The following CCSER2 variants were observed in gnomAD, a reference collection of about 807,000 sequenced individuals.
The protein encoded by CCSER2 is coiled-coil serine rich protein 2.
A neutral mutation model predicts 92.3 loss-of-function variants in CCSER2; 46 were observed. The ratio of observed to expected loss-of-function variants is 0.50; its 90% CI spans 0.39 to 0.64. The LOEUF is 0.64. Ranked by LOEUF, CCSER2 falls within the 30% of genes least tolerant of loss-of-function variation. The pLI is 0.00. For synonymous variants in CCSER2, 433 were observed against 431.4 expected (o/e 1.00, Z -0.04); for missense variants, 1,244 against 1,238.9 (o/e 1.00, Z -0.06).
At chr10:84,447,641 T>G (rs1589691167) in intron 6 of CCSER2, among the ~76,000 whole-genome samples, 1 of 152,176 alleles carries the variant, frequency 6.6e-6, no homozygotes, top group African/African-American at 2.4e-5. Flanking sequence ...AATATTCTAT[T>G]CTTTTCTAAA....
At chr10:84,329,062 G>T (rs1480182150) in intron 1 of CCSER2, among the ~76,000 whole-genome samples, 1 of 152,026 alleles carries the variant, frequency 6.6e-6, no homozygotes, top group African/African-American at 2.4e-5. Flanking sequence ...GCCTCGGGCC[G>T]CGGGCGCCGC....
chr10:84,372,564 ATCAG>A, intron 2 of CCSER2, 95 bp downstream of exon 2: 1 of 814,750 alleles, frequency 1.2e-6, no homozygotes, highest in Non-Finnish European at 1.9e-6. Context: ...TCAAGATATT[ATCAG>A]TTTCACGGAG....
chr10:84,490,012 T>A (rs1427788261), intron 9 of CCSER2, among the ~76,000 whole-genome samples: 1 of 152,212 alleles, frequency 6.6e-6, no homozygotes, highest in Non-Finnish European at 1.5e-5. Flanking sequence ...TTAGTTTGAC[T>A]GGATATGAAA....
At chr10:84,506,248 C>T (rs1849040188) in intron 9 of CCSER2, among the ~76,000 whole-genome samples, 1 of 152,024 alleles carries the variant, frequency 6.6e-6, no homozygotes, top group Non-Finnish European at 1.5e-5. Context: ...AATCTGCTAT[C>T]CTCTAAATTT....
chr10:84,506,911 C>G (rs886883678), intron 9 of CCSER2, among the ~76,000 whole-genome samples: 1 of 152,080 alleles, frequency 6.6e-6, no homozygotes, highest in Admixed American at 6.6e-5. Flanking sequence ...TAAGAGGTTA[C>G]TTGGGACTAA....
At chr10:84,451,239 T>G (rs543606202) in intron 6 of CCSER2, among the ~76,000 whole-genome samples, 2 of 151,606 alleles carry the variant, frequency 1.3e-5, no homozygotes, top group Non-Finnish European at 2.9e-5. Flanking sequence ...AAAGGTTTTT[T>G]TTTTGGTTGG....
chr10:84,374,856 A>G (rs1456192552), intron 3 of CCSER2, among the ~76,000 whole-genome samples: 1 of 152,204 alleles, frequency 6.6e-6, no homozygotes, highest in Non-Finnish European at 1.5e-5. Flanking sequence ...AGTGGATTTC[A>G]GGCAATGTAA....
In CCSER2 at chr10:84,477,625, T is replaced by G. The variant is rs771704166; in HGVS notation, c.2286T>G (p.Tyr762Ter). 1.2e-6 allele frequency: 2 copies of G among 1,612,652 alleles called. No homozygotes were observed. The highest frequency in any genetic ancestry group is 1.7e-6 in the Non-Finnish European group (2 of 1,178,924). Residue 762 changes from tyrosine (Y) to a stop codon, truncating the protein, a stop_gained, in exon 9 of 10, where the codon TAT (tyrosine) becomes TAG (stop). Transcript: ENST00000372088. LOFTEE classifies it high-confidence loss of function. Reference sequence around the variant, plus strand: ...AATGTAAAGAGGAAAAATGCACTTATGCTGATAAATATACCCAAACACCCT... The same window carrying G: ...AATGTAAAGAGGAAAAATGCACTTAGGCTGATAAATATACCCAAACACCCT... ...HQKCKEEKCT[Y>*]ADKYTQTPWR...
intron 9 of CCSER2, among the ~76,000 whole-genome samples, chr10:84,493,258 ATAT>A (rs1848268016): frequency 6.6e-6 from 1 of 152,158 alleles, no homozygotes; most frequent in Admixed American, 6.5e-5. Context: ...GTTGTTCATA[ATAT>A]TCCTTTATTA....
At chr10:84,419,120 A>G (rs761455582) in intron 4 of CCSER2, among the ~76,000 whole-genome samples, 1 of 152,148 alleles carries the variant, frequency 6.6e-6, no homozygotes, top group Non-Finnish European at 1.5e-5. Flanking sequence ...GAAGAGGGGA[A>G]TCTACACTTG....
chr10:84,494,031 A>G (rs1031832100), intron 9 of CCSER2, among the ~76,000 whole-genome samples: 1 of 152,182 alleles, frequency 6.6e-6, no homozygotes, highest in Non-Finnish European at 1.5e-5. Context: ...GTGAGAATCT[A>G]ATGCTGCTGC....
At chr10:84,479,696 A>G (rs1847349348) in intron 9 of CCSER2, among the ~76,000 whole-genome samples, 2 of 152,256 alleles carry the variant, frequency 1.3e-5, no homozygotes, top group South Asian at 4.1e-4. Flanking sequence ...TGCTTGTAGA[A>G]ACCTCCAGTG....
intron 1 of CCSER2, among the ~76,000 whole-genome samples, chr10:84,362,120 A>T (rs189045982): frequency 6.6e-6 from 1 of 152,152 alleles, no homozygotes; most frequent in South Asian, 2.1e-4. Context: ...TCTTCCATCC[A>T]TGTTAATGTT....
chr10:84,453,496 A>C (rs11592939), intron 6 of CCSER2, among the ~76,000 whole-genome samples: 19,282 of 152,206 alleles, frequency 0.13, 1,495 homozygotes, highest in Admixed American at 0.23. Flanking sequence ...GTAGTTTGTT[A>C]ATCTCTCGCC....
chr10:84,362,902 T>A (rs1845578645), intron 1 of CCSER2, among the ~76,000 whole-genome samples: 1 of 152,040 alleles, frequency 6.6e-6, no homozygotes, highest in South Asian at 2.1e-4. Context: ...AATGGCGCAA[T>A]CTCCGGTCAC....
chr10:84,400,202 T>A (rs1842047060), intron 3 of CCSER2, among the ~76,000 whole-genome samples: 1 of 152,210 alleles, frequency 6.6e-6, no homozygotes, highest in Non-Finnish European at 1.5e-5. Context: ...TGTCCTTTGA[T>A]ATACAAGTTT....
At chr10:84,453,048 G>A (rs1450661462) in intron 6 of CCSER2, among the ~76,000 whole-genome samples, 1 of 152,114 alleles carries the variant, frequency 6.6e-6, no homozygotes, top group Non-Finnish European at 1.5e-5. Context: ...AATCTGGACT[G>A]CTAGACTGTT....
chr10:84,391,564 G>A (rs1564623433), intron 3 of CCSER2: 2 of 1,490,292 alleles, frequency 1.3e-6, no homozygotes, highest in East Asian at 4.5e-5. Context: ...ATGCCACATA[G>A]GCAGTTGGAG....
chr10:84,429,877 A>C (rs1843669663), intron 5 of CCSER2, among the ~76,000 whole-genome samples: 1 of 152,024 alleles, frequency 6.6e-6, no homozygotes, highest in South Asian at 2.1e-4. Flanking sequence ...AATTTGAAAA[A>C]AAAAAAATAC....
Sources: allele counts gnomAD v4.1 joint callset (sites outside exome capture counted in the v4.1 genomes callset), GRCh38; gene constraint gnomAD v4.1.1; transcripts MANE v1.5; gene names NCBI Gene and HGNC (gene_info 2026-07-23, HGNC 2026-07-21).